Variants in APBA3 observed in about 807,000 individuals in gnomAD.
APBA3 encodes the protein amyloid-beta A4 precursor protein-binding family A member 3.
APBA3 carries 45 observed loss-of-function variants against 55.9 expected under a neutral mutation model. That is an observed-to-expected ratio of 0.80 (90% CI 0.63 to 1.03). The LOEUF is 1.03. Ranked by LOEUF, APBA3 falls within the 50% of genes least tolerant of loss-of-function variation. The pLI is 0.00. For missense variants in APBA3, 865 were observed against 820.3 expected (o/e 1.05, Z -0.67); for synonymous variants, 370 against 353.3 (o/e 1.05, Z -0.53).
At chr19:3,758,021 G>A (rs1330404784) in intron 3 of APBA3, among the ~76,000 whole-genome samples, 13 of 151,536 alleles carry the variant, frequency 8.6e-5, no homozygotes, top group South Asian at 2.1e-4. Flanking sequence ...CGCAACCTCC[G>A]CCTCCCGGGT....
At chr19:3,754,130 G>C (rs2037046517) in intron 4 of APBA3, 25 bp from the exon 5 acceptor site, 1 of 1,573,882 alleles carries the variant, frequency 6.4e-7, no homozygotes, top group Non-Finnish European at 8.6e-7. Flanking sequence ...GTGGGAGGTG[G>C]AGGCCCCCAC....
intron 3 of APBA3, chr19:3,756,702 G>A (rs1183733330): frequency 6.6e-6 from 1 of 151,730 alleles, no homozygotes; most frequent in East Asian, 1.9e-4. Flanking sequence ...CAGCCTGGGC[G>A]ACAGAGCGAG....
At position 3,754,223 on chromosome 19, in the gene APBA3, T is replaced by C; in HGVS notation, c.734A>G (p.Gln245Arg). Reference protein sequence around the residue: ...RNPPTSTRMAQAREAMDRVKA... With the variant: ...RNPPTSTRMARAREAMDRVKA... ...GACGCGGTCCATGGCCTCCCGGGCCTGGGCCATGCGCGTGCTGGTGGGCGG... is the reference window on the plus strand; with the variant it reads ...GACGCGGTCCATGGCCTCCCGGGCCCGGGCCATGCGCGTGCTGGTGGGCGG... Residue 245 changes from glutamine (Q) to arginine (R), a missense_variant, in exon 4 of 11, where the codon CAG (glutamine) becomes CGG (arginine). Transcript: ENST00000316757. 6.5e-7 allele frequency: 1 copy of C among 1,544,384 alleles called. No individual in the cohort carries two copies. The highest frequency in any genetic ancestry group is 1.2e-5 in the South Asian group (1 of 83,700).
At chr19:3,758,683 G>T (rs566082115) in intron 3 of APBA3, among the ~76,000 whole-genome samples, 16 of 152,040 alleles carry the variant, frequency 1.1e-4, no homozygotes, top group South Asian at 6.2e-4. Flanking sequence ...TTCAACACCA[G>T]CCTGGCCAAC....
chr19:3,752,531 C>G lies in APBA3; in HGVS notation c.1372G>C (p.Ala458Pro). ...NGTSLVGLPL[A>P]ACQAAVRETK... is the part of the protein sequence containing the mutation. ...ACGCGGACAGCGGCCTGGCACGCAG[C>G]CAGGGGCAGCCCCACCAGGCTGGTC... Residue 458 changes from alanine (A) to proline (P), a missense_variant, in exon 8 of 11, where the codon GCT becomes CCT. Coordinates refer to ENST00000316757, the MANE Select transcript of APBA3 (RefSeq NM_004886.4). 2 of 1,584,396 alleles carry G rather than the reference C, an allele frequency of 1.3e-6. No individual in the cohort carries two copies. The highest frequency in any genetic ancestry group is 1.7e-6 in the Non-Finnish European group (2 of 1,170,538).
At chr19:3,753,580 A>T in intron 6 of APBA3, 185 bp downstream of exon 6, 1 of 592,932 alleles carries the variant, frequency 1.7e-6, no homozygotes, top group Non-Finnish European at 2.8e-6. Flanking sequence ...TGGAAGGTTG[A>T]GGCTGCAGTG....
At chr19:3,754,626 C>T in intron 3 of APBA3, 1 of 396,998 alleles carries the variant, frequency 2.5e-6, no homozygotes, top group Non-Finnish European at 4.5e-6. Flanking sequence ...TACCTTCACC[C>T]CGTGTCCCCA....
At chr19:3,759,089 C>T (rs1009122225) in intron 3 of APBA3, among the ~76,000 whole-genome samples, 2 of 151,910 alleles carry the variant, frequency 1.3e-5, no homozygotes, top group South Asian at 2.1e-4. Flanking sequence ...ATTAGCTGGG[C>T]GTGGTGGCAC....
In APBA3 at chr19:3,751,532, C is replaced by A. The variant is rs889414556; in HGVS notation, c.1417G>T (p.Val473Leu). The stretch of plus-strand genomic sequence containing the variant: ...GGGCAGTGGACGATGCTGAGTGTCA[C>A]CGACGTCTGCGACTTCGTCTCCTGT... ...AVRETKSQTS[V>L]TLSIVHCPPV... Residue 473 changes from valine (V) to leucine (L), a missense_variant, in exon 9 of 11, where the codon GTG (valine) becomes TTG (leucine). Val to Leu is a conservative substitution (Grantham distance 32, BLOSUM62 1). Coordinates refer to ENST00000316757, the MANE Select transcript of APBA3 (RefSeq NM_004886.4). 1.9e-6 allele frequency: 3 copies of A among 1,590,610 alleles called. No homozygotes were observed. Among genetic ancestry groups the A allele is most frequent in the Non-Finnish European group, 2.6e-6 (3 of 1,171,938 alleles).
chr19:3,757,148 T>G (rs1429812746), intron 3 of APBA3, among the ~76,000 whole-genome samples: 1 of 152,018 alleles, frequency 6.6e-6, no homozygotes, highest in Non-Finnish European at 1.5e-5. Flanking sequence ...ATGGTCTCAC[T>G]GTCACCCAGG....
intron 6 of APBA3, chr19:3,753,212 C>T (rs558599519): frequency 1.6e-4 from 95 of 592,860 alleles, no homozygotes; most frequent in African/African-American, 1.2e-3. Flanking sequence ...GCTGGGGGGA[C>T]GATGAGGGAG....
rs368153762 is a variant in APBA3 at position 3,751,165 on chromosome 19, G to C, written c.1656+24C>G. 1,017 of 1,554,126 alleles carry C rather than the reference G, an allele frequency of 6.5e-4. 5 individuals are homozygous for C. The highest frequency in any genetic ancestry group is 5.5e-3 in the Middle Eastern group (30 of 5,490). ...TCGTGGGGGACGTGGGGGCGCCCCT[G>C]GCCACCACCCACCACCCGCACACCT... is the stretch of plus-strand genomic sequence containing the variant. On this transcript the variant is annotated intron_variant, in intron 10 of 10. Coordinates refer to ENST00000316757, the MANE Select transcript of APBA3 (RefSeq NM_004886.4).
rs1293588290 is a variant in APBA3, at chr19:3,752,871, G to A, written c.1131C>T (p.His377=). 3.1e-6 allele frequency: 5 copies of A among 1,613,412 alleles called. No individual in the cohort carries two copies. The highest frequency in any genetic ancestry group is 4.5e-5 in the East Asian group (2 of 44,844). ...VGVHPSPGAC[H]LHNGDLDHFS... ...AGTGGTCCAGGTCCCCATTATGGAG[G>A]TGGCAGGCGCCTGGGCTCGGGTGCA... Residue 377 remains histidine (H), a synonymous_variant, in exon 7 of 11, where the codon CAC becomes CAT. Transcript: ENST00000316757.
chr19:3,753,308 A>T, intron 6 of APBA3: 1 of 457,254 alleles, frequency 2.2e-6, no homozygotes, highest in Non-Finnish European at 3.9e-6. Context: ...GGGACAGCCC[A>T]GGAGCGGGCA....
Position 3,754,127 on chromosome 19 carries a change from G to A in APBA3, c.763-22C>T, listed in dbSNP as rs752886270. 27 of 1,577,568 alleles carry A rather than the reference G, an allele frequency of 1.7e-5. No homozygotes were observed. In the East Asian group the frequency reaches 5.1e-4, roughly 30 times the overall value. On this transcript the variant is annotated intron_variant, in intron 4 of 10. Transcript: ENST00000316757. The stretch of plus-strand genomic sequence containing the variant: ...GGGCCTGTGGGTGGCGGCGTGGGAG[G>A]TGGAGGCCCCCACAGACCCAGCCTG...
chr19:3,757,202 G>A (rs1296479550), intron 3 of APBA3, among the ~76,000 whole-genome samples: 1 of 151,800 alleles, frequency 6.6e-6, no homozygotes, highest in African/African-American at 2.4e-5. Context: ...AGCCTCAAGT[G>A]ATCCTCCCAC....
In APBA3 at chr19:3,759,704, T is replaced by C. The variant is rs34690145; in HGVS notation, c.561A>G (p.Pro187=). ...CGGGCACTACCTGGGCACCAGCGGG[T>C]GGCTCTTCAGGTGTGACTAGAGGCA... ...ETVPLVTPEE[P]PAGAQSPETL... Residue 187 remains proline (P), a synonymous_variant, in exon 2 of 11, where the codon CCA becomes CCG. Transcript: ENST00000316757. 9.3e-3 allele frequency: 15,053 copies of C among 1,611,896 alleles called. 102 individuals carry two copies. The highest frequency in any genetic ancestry group is 0.01 in the Non-Finnish European group (12,120 of 1,179,552).
rs376765289 is a variant in APBA3, at chr19:3,754,305, C to T, written c.652G>A (p.Gly218Ser). Reference sequence around the variant, plus strand: ...AGGTACCTGGCCCCAAATATGACACCGTCCAGGAGGTCTTCATGGTCACAG... The same window carrying T: ...AGGTACCTGGCCCCAAATATGACACTGTCCAGGAGGTCTTCATGGTCACAG... ...GPCDHEDLLD[G>S]VIFGARYLGS... The change falls in exon 4 of 11, where the codon GGT becomes AGT. Residue 218 changes from glycine to serine, a missense_variant. Physicochemically the swap from Gly to Ser is moderately conservative, Grantham distance 56 (BLOSUM62 0). Transcript: ENST00000316757. The T allele has an allele frequency of 1.2e-4, 184 of 1,557,614 alleles. 2 individuals are homozygous for T. The highest frequency in any genetic ancestry group is 3.5e-4 in the Middle Eastern group (2 of 5,658).
At chr19:3,751,132 G>A in intron 10 of APBA3, 35 bp from the exon 11 acceptor site, 2 of 1,559,622 alleles carry the variant, frequency 1.3e-6, no homozygotes, top group Non-Finnish European at 1.7e-6. Context: ...CTCAGGGCAG[G>A]CCTGGGCTCG....
Sources: allele counts gnomAD v4.1 joint callset (sites outside exome capture counted in the v4.1 genomes callset), GRCh38; gene constraint gnomAD v4.1.1; transcripts MANE v1.5; gene names NCBI Gene and HGNC (gene_info 2026-07-23, HGNC 2026-07-21).